ANKHD1: variants seen among roughly 807,000 people sequenced by gnomAD.
The protein encoded by ANKHD1 is ankyrin repeat and KH domain-containing protein 1.
Under a neutral mutation model 230.5 loss-of-function variants are expected in ANKHD1, and 31 were observed. The ratio of observed to expected loss-of-function variants is 0.13; its 90% CI spans 0.10 to 0.18. ANKHD1 has a LOEUF of 0.18. Among genes scored for constraint, ANKHD1 ranks in the 10% least tolerant of loss-of-function variants. The probability of loss-of-function intolerance (pLI) is 1.00; values close to 1 mark genes in which losing one functional copy is unlikely to be tolerated. For synonymous variants in ANKHD1, 1,074 were observed against 1,117.6 expected, an observed-to-expected ratio of 0.96 and a Z score of 0.78; for missense variants, 2,256 against 3,071.3, an observed-to-expected ratio of 0.73 and a Z score of 6.27.
chr5:140,531,203 C>T, intron 29 of ANKHD1: 2 of 314,232 alleles, frequency 6.4e-6, no homozygotes, highest in Middle Eastern at 4.1e-4. Flanking sequence ...ATAATCTTGG[C>T]CCCATTTCTT....
chr5:140,415,440 T>C (rs1771286871), intron 1 of ANKHD1, among the ~76,000 whole-genome samples: 6 of 134,556 alleles, frequency 4.5e-5, no homozygotes, highest in Middle Eastern at 7.9e-3. Context: ...TTGATACCTC[T>C]TTTTTTTTTT....
At chr5:140,465,256 TTC>T (rs1411372256) in intron 10 of ANKHD1, 1 of 152,254 alleles carries the variant, frequency 6.6e-6, no homozygotes, top group Non-Finnish European at 1.5e-5. Flanking sequence ...TTTGAATGAT[TTC>T]TGTTGTTTCT....
chr5:140,472,474 G>A (rs939838489), intron 10 of ANKHD1: 162 of 1,316,018 alleles, frequency 1.2e-4, no homozygotes, highest in Non-Finnish European at 1.4e-4. Context: ...TTGTATTGCT[G>A]GTAGTTTGTT....
intron 6 of ANKHD1, among the ~76,000 whole-genome samples, chr5:140,448,261 C>T (rs1774444397): frequency 1.3e-5 from 2 of 152,168 alleles, no homozygotes; most frequent in Non-Finnish European, 2.9e-5. Context: ...CCAAATACAT[C>T]AAATAGATGT....
intron 14 of ANKHD1, among the ~76,000 whole-genome samples, chr5:140,492,339 T>C (rs1464853649): frequency 1.3e-5 from 2 of 152,188 alleles, no homozygotes; most frequent in African/African-American, 4.8e-5. Context: ...AGATGTTTCT[T>C]TGGACACCCT....
chr5:140,531,105 C>A (rs1200314362), intron 29 of ANKHD1, among the ~76,000 whole-genome samples: 6 of 152,120 alleles, frequency 3.9e-5, no homozygotes, highest in African/African-American at 1.4e-4. Context: ...CTTTGAGAAG[C>A]CCCAGGGTGA....
At chr5:140,511,142 G>T (rs921901427) in intron 22 of ANKHD1, among the ~76,000 whole-genome samples, 1 of 151,888 alleles carries the variant, frequency 6.6e-6, no homozygotes, top group African/African-American at 2.4e-5. Context: ...GTTCATGCCC[G>T]GCCTCTCATA....
chr5:140,513,446 G>A lies in ANKHD1; in HGVS notation c.4284G>A (p.Ala1428=), dbSNP rs139093044. 21 of 1,613,330 alleles carry A rather than the reference G, an allele frequency of 1.3e-5. No homozygotes were observed. Among genetic ancestry groups the A allele is most frequent in the East Asian group, 4.5e-5 (2 of 44,846 alleles). The change falls in exon 24 of 34, where the codon GCG becomes GCA. Residue 1428 remains alanine (A), a synonymous_variant. Transcript: ENST00000360839. ...DQQAAEANKN[A]SILLKELDLE... The stretch of plus-strand genomic sequence containing the variant: ...AAGCTGCAGAAGCAAATAAGAATGC[G>A]AGTATTCTTTTAAAGGAACTTGATC...
intron 10 of ANKHD1, among the ~76,000 whole-genome samples, chr5:140,467,734 G>A (rs1776191885): frequency 6.6e-6 from 1 of 152,084 alleles, no homozygotes; most frequent in African/African-American, 2.4e-5. Flanking sequence ...TTTATTTCAG[G>A]CTTTATTGTA....
In ANKHD1 at chr5:140,527,885, G is replaced by T. The variant is rs1374454252; in HGVS notation, c.5100G>T (p.Leu1700Phe). 6.2e-7 allele frequency: 1 copy of T among 1,612,508 alleles called. No individual in the cohort carries two copies. The highest frequency in any genetic ancestry group is 1.1e-5 in the South Asian group (1 of 90,760). ...CTTCATTTTATAGGTCAAAGAAATT[G>T]TCTGTTCCAGCCTCAGTGGTGTCGA... ...WKEVVRRSKKLSVPASVVSRI... is the reference protein window; with the variant it reads ...WKEVVRRSKKFSVPASVVSRI... Residue 1700 changes from leucine to phenylalanine, a missense_variant, in exon 28 of 34, where the codon TTG becomes TTT. Physicochemically the swap from Leu to Phe is conservative, Grantham distance 22. Transcript: ENST00000360839. This position sits in a 1 kb window ranked among gnomAD's most constrained non-coding sequence, Gnocchi z 4.5.
rs914840084 is a variant in ANKHD1, at chr5:140,485,452, A to G, written c.1999-137A>G. Reference sequence around the variant, plus strand: ...CGTATGTATGTGTATATATATATAAATAATATGTGTATAGTTATAAAAATA... The same window carrying G: ...CGTATGTATGTGTATATATATATAAGTAATATGTGTATAGTTATAAAAATA... On this transcript the variant is annotated intron_variant, in intron 12 of 33. Transcript: ENST00000360839. The surrounding 1 kb of genome is among the most constrained non-coding windows in gnomAD (Gnocchi z 4.8). 9.3e-7 allele frequency: 1 copy of G among 1,074,878 alleles called. No individual in the cohort carries two copies. The highest frequency in any genetic ancestry group is 1.3e-6 in the Non-Finnish European group (1 of 794,150). 66.6% of individuals were successfully genotyped at this position (1,074,878 alleles called of 1,614,324 possible).
intron 24 of ANKHD1, among the ~76,000 whole-genome samples, chr5:140,519,590 A>G (rs1581367262): frequency 6.6e-6 from 1 of 152,220 alleles, no homozygotes; most frequent in East Asian, 1.9e-4. Flanking sequence ...ATATAGATCA[A>G]TGGAACAGAA....
chr5:140,496,398 GTTTT>G, intron 14 of ANKHD1, 118 bp from the exon 15 acceptor site: 4 of 1,067,796 alleles, frequency 3.7e-6, no homozygotes, highest in Non-Finnish European at 5.0e-6. Context: ...AGTTATAAGG[GTTTT>G]GGGAGGGAGG....
intron 1 of ANKHD1, among the ~76,000 whole-genome samples, chr5:140,403,201 T>G (rs1350338096): frequency 1.3e-5 from 2 of 151,944 alleles, no homozygotes; most frequent in African/African-American, 4.8e-5. Context: ...ACTCCTGACC[T>G]CAGGTGATCC....
At chr5:140,407,991 A>G (rs887803727) in intron 1 of ANKHD1, among the ~76,000 whole-genome samples, 1 of 152,174 alleles carries the variant, frequency 6.6e-6, no homozygotes. Flanking sequence ...AGCCTGGCCA[A>G]CATGGTGAAA....
At chr5:140,412,742 A>G (rs1427772880) in intron 1 of ANKHD1, among the ~76,000 whole-genome samples, 2 of 152,196 alleles carry the variant, frequency 1.3e-5, no homozygotes, top group African/African-American at 2.4e-5. Flanking sequence ...CTGCTTTTCT[A>G]TTGATAGTTA....
rs764202729 is a variant in ANKHD1, at chr5:140,539,324, A to G, written c.7570-35A>G. 6.2e-6 allele frequency: 10 copies of G among 1,611,814 alleles called. 1 individual carries two copies. The South Asian group carries it at 1.1e-4, about 18-fold the overall frequency. On this transcript the variant is annotated intron_variant, in intron 33 of 33. Transcript: ENST00000360839. ...ATTTTGTAACTGTCTAAAGATTCCT[A>G]ATTAGAAATTCCAATTTTTCCTCCC...
intron 10 of ANKHD1, among the ~76,000 whole-genome samples, chr5:140,482,358 T>C (rs774019290): frequency 8.5e-5 from 13 of 152,160 alleles, no homozygotes; most frequent in Non-Finnish European, 1.3e-4. Flanking sequence ...TCTTTAATGG[T>C]TATTACTTGG....
chr5:140,439,377 A>G (rs1773681254), intron 3 of ANKHD1, among the ~76,000 whole-genome samples: 1 of 152,164 alleles, frequency 6.6e-6, no homozygotes, highest in African/African-American at 2.4e-5. Context: ...CACATAAAAT[A>G]CAAACACTAG....
Sources: allele counts gnomAD v4.1 joint callset (sites outside exome capture counted in the v4.1 genomes callset), GRCh38; gene constraint gnomAD v4.1.1; non-coding constraint Gnocchi (gnomAD v3.1); transcripts MANE v1.5; gene names NCBI Gene and HGNC (gene_info 2026-07-23, HGNC 2026-07-21).